Variants in POMP observed in about 807,000 individuals in gnomAD.
POMP encodes the protein proteasome maturation protein.
In POMP, 12 loss-of-function variants were observed where a neutral mutation model predicts 20.6. That is an observed-to-expected ratio of 0.58 (90% confidence interval 0.37 to 0.94). POMP has a LOEUF of 0.94. Among genes scored for constraint, POMP ranks in the 40% least tolerant of loss-of-function variants. POMP has a pLI of 0.01. For missense variants in POMP, 136 were observed against 161.1 expected (o/e 0.84, Z 0.84); for synonymous variants, 53 against 55.0 (o/e 0.96, Z 0.16).
intron 2 of POMP, 53 bp from the exon 3 acceptor site, chr13:28,664,456 T>C: frequency 8.3e-7 from 1 of 1,203,676 alleles, no homozygotes; most frequent in South Asian, 1.3e-5. Flanking sequence ...GAGCTCTGGG[T>C]ATTGAGTGAT....
At chr13:28,666,152 G>A (rs1884441630) in intron 3 of POMP, among the ~76,000 whole-genome samples, 1 of 152,174 alleles carries the variant, frequency 6.6e-6, no homozygotes, top group Admixed American at 6.5e-5. Flanking sequence ...CATTTATAGA[G>A]GTGAGTGTGA....
At chr13:28,676,067 C>T (rs752729568) in intron 5 of POMP, among the ~76,000 whole-genome samples, 22 of 152,106 alleles carry the variant, frequency 1.4e-4, no homozygotes, top group Non-Finnish European at 1.9e-4. Flanking sequence ...TGCAGTGGCG[C>T]GATCTCTGCT....
intron 3 of POMP, 107 bp downstream of exon 3, chr13:28,664,676 G>A: frequency 1.4e-6 from 1 of 708,354 alleles, no homozygotes; most frequent in Non-Finnish European, 2.4e-6. Context: ...ATTTGCCCAT[G>A]AAGAATATGA....
At chr13:28,664,476 C>T in intron 2 of POMP, 33 bp from the exon 3 acceptor site, 1 of 1,416,520 alleles carries the variant, frequency 7.1e-7, no homozygotes, top group Non-Finnish European at 9.9e-7. Flanking sequence ...TATTTAATCT[C>T]CTCTAAATGT....
chr13:28,672,937 T>C (rs546774708), intron 5 of POMP, among the ~76,000 whole-genome samples: 1 of 152,236 alleles, frequency 6.6e-6, no homozygotes, highest in African/African-American at 2.4e-5. Context: ...TGTTTTTGTG[T>C]GTTTAGTTTG....
intron 5 of POMP, among the ~76,000 whole-genome samples, chr13:28,673,911 G>C (rs1361481842): frequency 3.3e-5 from 5 of 152,096 alleles, no homozygotes; most frequent in Non-Finnish European, 7.3e-5. Context: ...AAATGGGGGA[G>C]ATAAACACAT....
At chr13:28,674,762 G>A (rs907732827) in intron 5 of POMP, among the ~76,000 whole-genome samples, 6 of 152,248 alleles carry the variant, frequency 3.9e-5, no homozygotes, top group African/African-American at 1.4e-4. Flanking sequence ...TAGCTGGCTG[G>A]ATGTGGTGGC....
At chr13:28,667,263 G>A (rs1424404697) in intron 3 of POMP, among the ~76,000 whole-genome samples, 2 of 152,140 alleles carry the variant, frequency 1.3e-5, no homozygotes, top group African/African-American at 2.4e-5. Context: ...GTGGTGGGGT[G>A]TGCCTGTAGT....
At chr13:28,666,253 G>C (rs745608335) in intron 3 of POMP, among the ~76,000 whole-genome samples, 5 of 152,142 alleles carry the variant, frequency 3.3e-5, no homozygotes, top group Non-Finnish European at 5.9e-5. Context: ...TTAATTGACT[G>C]TATACTCACT....
chr13:28,677,027 A>T (rs1884640196), intron 5 of POMP, among the ~76,000 whole-genome samples: 1 of 152,224 alleles, frequency 6.6e-6, no homozygotes, highest in African/African-American at 2.4e-5. Context: ...TTAGTTACAT[A>T]AATGAGTATA....
intron 5 of POMP, among the ~76,000 whole-genome samples, chr13:28,673,625 C>T (rs1884586840): frequency 1.3e-5 from 2 of 152,164 alleles, no homozygotes; most frequent in Non-Finnish European, 2.9e-5. Flanking sequence ...GTCTAGTGAG[C>T]CTCCTTTCAG....
At chr13:28,667,376 A>G (rs929277932) in intron 3 of POMP, among the ~76,000 whole-genome samples, 2 of 152,296 alleles carry the variant, frequency 1.3e-5, no homozygotes, top group Admixed American at 1.3e-4. Context: ...CACTCCAGCC[A>G]CATAGCAAGA....
chr13:28,666,114 C>G (rs563850560), intron 3 of POMP, among the ~76,000 whole-genome samples: 9 of 152,182 alleles, frequency 5.9e-5, no homozygotes, highest in Non-Finnish European at 1.3e-4. Flanking sequence ...TAAAATAGAC[C>G]AAAGTCTAGA....
At chr13:28,675,929 G>A (rs987601821) in intron 5 of POMP, among the ~76,000 whole-genome samples, 6 of 152,068 alleles carry the variant, frequency 3.9e-5, no homozygotes, top group Admixed American at 6.5e-5. Flanking sequence ...TCACTTATCC[G>A]GGGGGTGGTG....
At position 28,668,481 on chromosome 13, in the gene POMP, C is replaced by A. The variant is rs368393514; in HGVS notation, c.171C>A (p.Leu57=). The A allele has an allele frequency of 1.2e-6, 2 of 1,605,214 alleles. No homozygotes were observed. Among genetic ancestry groups the A allele is most frequent in the African/African-American group, 2.7e-5 (2 of 74,692 alleles). The change falls in exon 4 of 6, where the codon CTC becomes CTA. Residue 57 remains leucine (L), a synonymous_variant. Transcript: ENST00000380842. ...PLELSEKNFQ[L]NQDKMNFSTL... The stretch of plus-strand genomic sequence containing the variant: ...TACATTGTCTTTTGTAGTTCCAGCT[C>A]AACCAAGATAAAATGAATTTTTCCA...
At chr13:28,667,870 A>C (rs757802778) in intron 3 of POMP, among the ~76,000 whole-genome samples, 5 of 152,220 alleles carry the variant, frequency 3.3e-5, no homozygotes, top group Non-Finnish European at 5.9e-5. Flanking sequence ...AAAGTTCCCT[A>C]AATGTAATAT....
chr13:28,668,266 G>A (rs1004006284), intron 3 of POMP, among the ~76,000 whole-genome samples: 2 of 151,932 alleles, frequency 1.3e-5, no homozygotes, highest in Non-Finnish European at 2.9e-5. Flanking sequence ...ATTTTACTCT[G>A]GTAAAAGTAC....
Position 28,678,127 on chromosome 13 carries a change from G to A in POMP, c.*25G>A, listed in dbSNP as rs762395792. ...ATAGTGTGCTGTTCATGGAAACCGA[G>A]GGCTGCATCTTGTTTATAGTCATCT... On this transcript the variant is annotated 3_prime_UTR_variant, in exon 6 of 6. Coordinates refer to ENST00000380842, the MANE Select transcript of POMP (RefSeq NM_015932.6). The A allele has an allele frequency of 6.3e-6, 10 of 1,597,046 alleles. No homozygotes were observed. The highest frequency in any genetic ancestry group is 1.7e-5 in the Admixed American group (1 of 59,950).
chr13:28,664,611 T>A (rs1208482872), intron 3 of POMP, 42 bp downstream of exon 3: 1 of 1,152,830 alleles, frequency 8.7e-7, no homozygotes, highest in South Asian at 1.4e-5. Flanking sequence ...TTCTAATAGA[T>A]AAATACTTTT....
Sources: gnomAD v4.1 joint callset for allele counts (sites outside exome capture counted in the v4.1 genomes callset) on GRCh38, gnomAD v4.1.1 for gene constraint, MANE v1.5 for transcripts, NCBI Gene and HGNC (gene_info 2026-07-23, HGNC 2026-07-21) for gene names.